Variants in WIF1 observed in about 807,000 individuals in gnomAD.
The protein encoded by WIF1 is Wnt inhibitory factor 1.
A neutral mutation model predicts 53.5 loss-of-function variants in WIF1; 35 were observed. The observed-to-expected ratio is 0.65, with a 90% CI of 0.50 to 0.87. The LOEUF is 0.87. Among genes scored for constraint, WIF1 ranks in the 40% least tolerant of loss-of-function variants. The pLI is 0.00. For synonymous variants in WIF1, 171 were observed against 170.4 expected (o/e 1.00, Z -0.03); for missense variants, 467 against 476.8 (o/e 0.98, Z 0.19).
Position 65,107,360 on chromosome 12 carries a change from C to T in WIF1, c.288+13057G>A, listed in dbSNP as rs189802973. ...GATGTCCTGTCCTGGCACAGTGGCT[C>T]ATGCCTGTAATCCCACCACTTTGGG... is the stretch of plus-strand genomic sequence containing the variant. On this transcript the variant is annotated intron_variant, in intron 2 of 9. Transcript: ENST00000286574. Among the ~76,000 whole-genome samples, 92 of 152,308 alleles carry T rather than the reference C, an allele frequency of 6.0e-4. 1 individual carries two copies. Among genetic ancestry groups the T allele is most frequent in the East Asian group, 1.9e-3 (10 of 5,182 alleles).
chr12:65,080,546 T>C (rs1351476979), intron 2 of WIF1, among the ~76,000 whole-genome samples: 14 of 152,224 alleles, frequency 9.2e-5, no homozygotes. Flanking sequence ...TTCTACCACC[T>C]GCACTTCCCT....
At chr12:65,074,182 T>C (rs540616379) in intron 3 of WIF1, among the ~76,000 whole-genome samples, 1 of 151,928 alleles carries the variant, frequency 6.6e-6, no homozygotes, top group Non-Finnish European at 1.5e-5. Flanking sequence ...TTTTTTATTT[T>C]TTTATTTTTT....
At chr12:65,079,857 A>T (rs1340270436) in intron 2 of WIF1, among the ~76,000 whole-genome samples, 1 of 152,190 alleles carries the variant, frequency 6.6e-6, no homozygotes, top group Non-Finnish European at 1.5e-5. Flanking sequence ...CCAGAACTAC[A>T]TTAATTCAAT....
chr12:65,079,184 A>AAAG (rs58710015), intron 2 of WIF1, among the ~76,000 whole-genome samples: 8 of 149,916 alleles, frequency 5.3e-5, no homozygotes, highest in Admixed American at 6.6e-5. Context: ...AAAAAAAAAA[A>AAAG]GTGAAAGAGA....
At chr12:65,105,674 G>T (rs1416591917) in intron 2 of WIF1, among the ~76,000 whole-genome samples, 2 of 152,108 alleles carry the variant, frequency 1.3e-5, no homozygotes, top group African/African-American at 4.8e-5. Context: ...CACTTTCATG[G>T]AAACTAATCC....
chr12:65,120,326 G>C, intron 2 of WIF1, 91 bp downstream of exon 2: 1 of 1,320,116 alleles, frequency 7.6e-7, no homozygotes, highest in East Asian at 2.5e-5. Context: ...CTTAATAACT[G>C]TAAAATGTAC....
chr12:65,071,368 C>T (rs535638296), intron 3 of WIF1, among the ~76,000 whole-genome samples: 1 of 151,970 alleles, frequency 6.6e-6, no homozygotes, highest in East Asian at 1.9e-4. Flanking sequence ...GGCTTTCCAC[C>T]ATTGCAGGGA....
At chr12:65,100,863 A>G (rs1054982306) in intron 2 of WIF1, among the ~76,000 whole-genome samples, 7 of 152,112 alleles carry the variant, frequency 4.6e-5, no homozygotes, top group Non-Finnish European at 8.8e-5. Context: ...TCTACAAAAA[A>G]GAAATAATAA....
chr12:65,097,311 CAA>C (rs1883220444), intron 2 of WIF1, among the ~76,000 whole-genome samples: 1 of 152,038 alleles, frequency 6.6e-6, no homozygotes, highest in African/African-American at 2.4e-5. Context: ...TGTCTTTGCT[CAA>C]AAGAGAGGAC....
At chr12:65,093,998 G>A (rs775706571) in intron 2 of WIF1, among the ~76,000 whole-genome samples, 24 of 152,170 alleles carry the variant, frequency 1.6e-4, no homozygotes, top group Non-Finnish European at 3.1e-4. Flanking sequence ...TGACGGTTCT[G>A]TAATTGGACC....
chr12:65,107,934 A>G (rs1883374183), intron 2 of WIF1, among the ~76,000 whole-genome samples: 1 of 152,194 alleles, frequency 6.6e-6, no homozygotes, highest in Non-Finnish European at 1.5e-5. Flanking sequence ...TAGTAGGCCC[A>G]ATTATCTCAA....
chr12:65,068,621 T>C (rs1361103713), intron 4 of WIF1, 143 bp downstream of exon 4: 6 of 1,077,572 alleles, frequency 5.6e-6, no homozygotes, highest in African/African-American at 4.9e-5. Context: ...TCCGTTGCTG[T>C]AGTTATAGAG....
At chr12:65,115,047 GA>G (rs772758754) in intron 2 of WIF1, among the ~76,000 whole-genome samples, 2 of 151,952 alleles carry the variant, frequency 1.3e-5, no homozygotes, top group Non-Finnish European at 2.9e-5. Flanking sequence ...ATCACCCAGA[GA>G]ATTTCTATTC....
chr12:65,067,782 G>A lies in WIF1; in HGVS notation c.547C>T (p.Pro183Ser). Residue 183 changes from proline (P) to serine (S), a missense_variant, in exon 5 of 10, where the codon CCA (proline) becomes TCA (serine). Pro to Ser is a moderately conservative substitution (Grantham distance 74). Coordinates refer to ENST00000286574, the MANE Select transcript of WIF1 (RefSeq NM_007191.5). Reference protein sequence around the residue: ...FFKTCQQAECPGGCRNGGFCN... With the variant: ...FFKTCQQAECSGGCRNGGFCN... ...AAGCCTCCATTTCGGCACCCGCCTGGGCACTCAGCTTCAGCAGAGAGAAAC... is the reference window on the plus strand; with the variant it reads ...AAGCCTCCATTTCGGCACCCGCCTGAGCACTCAGCTTCAGCAGAGAGAAAC... 6.2e-7 allele frequency: 1 copy of A among 1,613,070 alleles called. No homozygotes were observed. Among genetic ancestry groups the A allele is most frequent in the Non-Finnish European group, 8.5e-7 (1 of 1,179,326 alleles).
intron 6 of WIF1, among the ~76,000 whole-genome samples, chr12:65,066,165 C>A (rs74099703): frequency 0.026 from 4,002 of 152,268 alleles, 185 homozygotes; most frequent in African/African-American, 0.093. Flanking sequence ...CAGCCAGGGG[C>A]AACATTTCTT....
At chr12:65,112,360 C>T (rs553984492) in intron 2 of WIF1, among the ~76,000 whole-genome samples, 59 of 141,448 alleles carry the variant, frequency 4.2e-4, no homozygotes, top group Non-Finnish European at 8.6e-4. Flanking sequence ...ATTTTTAGTT[C>T]TATGCACTTA....
intron 6 of WIF1, among the ~76,000 whole-genome samples, chr12:65,065,062 T>C (rs1882667858): frequency 6.6e-6 from 1 of 152,174 alleles, no homozygotes; most frequent in Non-Finnish European, 1.5e-5. Flanking sequence ...GGCTGTTAAT[T>C]CTTATTAGAG....
intron 3 of WIF1, among the ~76,000 whole-genome samples, chr12:65,072,593 C>T (rs906116321): frequency 6.6e-5 from 10 of 152,098 alleles, no homozygotes; most frequent in African/African-American, 2.4e-4. Flanking sequence ...CACAGGCACA[C>T]ACTTGCACTT....
chr12:65,058,657 A>C (rs1216772677), intron 7 of WIF1, among the ~76,000 whole-genome samples: 1 of 152,216 alleles, frequency 6.6e-6, no homozygotes, highest in Non-Finnish European at 1.5e-5. Context: ...TATCTTTAAT[A>C]GGAATTTCTT....
Sources: allele counts gnomAD v4.1 joint callset (sites outside exome capture counted in the v4.1 genomes callset), GRCh38; gene constraint gnomAD v4.1.1; transcripts MANE v1.5; gene names NCBI Gene and HGNC (gene_info 2026-07-23, HGNC 2026-07-21).